The following TRPC5 variants were observed in gnomAD, a reference collection of about 807,000 sequenced individuals.
TRPC5 encodes short transient receptor potential channel 5.
A neutral mutation model predicts 56.5 loss-of-function variants in TRPC5; 9 were observed. That is an observed-to-expected ratio of 0.16 (90% CI 0.10 to 0.28). The LOEUF (loss-of-function observed/expected upper bound fraction) is 0.28. Among genes scored for constraint, TRPC5 ranks in the 10% least tolerant of loss-of-function variants. TRPC5 has a pLI of 1.00. For missense variants in TRPC5, 469 were observed against 748.9 expected, an observed-to-expected ratio of 0.63 and a Z score of 4.36; for synonymous variants, 282 against 278.5, an observed-to-expected ratio of 1.01 and a Z score of -0.13.
At chrX:112,010,265 G>A (rs919514472) in intron 1 of TRPC5, among the ~76,000 whole-genome samples, 5 of 112,077 alleles carry the variant, frequency 4.5e-5, no homozygotes, top group South Asian at 3.8e-4. Context: ...AGCTCAAATC[G>A]TAGCCTGGTC....
intron 2 of TRPC5, among the ~76,000 whole-genome samples, chrX:111,916,626 C>T (rs1428827351): frequency 1.8e-5 from 2 of 111,774 alleles, no homozygotes; most frequent in South Asian, 3.8e-4. Context: ...ATAATTTGGG[C>T]GAGTGAATGA....
At chrX:112,075,231 C>T (rs899310161) in intron 1 of TRPC5, among the ~76,000 whole-genome samples, 3 of 112,101 alleles carry the variant, frequency 2.7e-5, no homozygotes, top group African/African-American at 6.5e-5. Flanking sequence ...TTTCAGGCCA[C>T]GTTCAGCATA....
chrX:111,836,915 C>T lies in TRPC5; in HGVS notation c.1701-1799G>A, dbSNP rs756982218. On this transcript the variant is annotated intron_variant, in intron 6 of 10. Transcript: ENST00000262839. Reference sequence around the variant, plus strand: ...TTTATTTTGTTTAAGGCTGTGCTCTCCACTGGCCTGACTCTCAAGGGCCCT... The same window carrying T: ...TTTATTTTGTTTAAGGCTGTGCTCTTCACTGGCCTGACTCTCAAGGGCCCT... Among the ~76,000 whole-genome samples, 5 of 112,553 alleles carry T rather than the reference C, an allele frequency of 4.4e-5. No homozygotes were observed. In the South Asian group the frequency reaches 1.8e-3, roughly 42 times the overall value.
intron 3 of TRPC5, among the ~76,000 whole-genome samples, chrX:111,869,687 C>T (rs1294934569): frequency 8.9e-6 from 1 of 111,957 alleles, no homozygotes; most frequent in Non-Finnish European, 1.9e-5. Context: ...TCTGTGTTGG[C>T]GGTGATGGAC....
At chrX:112,023,255 T>TG (rs1196664447) in intron 1 of TRPC5, among the ~76,000 whole-genome samples, 7 of 84,907 alleles carry the variant, frequency 8.2e-5, no homozygotes, top group Admixed American at 3.6e-4. Flanking sequence ...TGTTTTTTTT[T>TG]TTTTTTTTTT....
intron 1 of TRPC5, among the ~76,000 whole-genome samples, chrX:112,023,036 G>A (rs1057367921): frequency 5.3e-4 from 58 of 109,708 alleles, no homozygotes; most frequent in African/African-American, 1.9e-3. Flanking sequence ...CCGGGTTCAC[G>A]CCATTCTCCT....
chrX:112,038,853 T>TA (rs2147725201), intron 1 of TRPC5, among the ~76,000 whole-genome samples: 1 of 106,408 alleles, frequency 9.4e-6, no homozygotes, highest in African/African-American at 3.4e-5. Flanking sequence ...GGCTATTTTT[T>TA]TTTTTTTTTT....
chrX:112,019,078 C>G (rs144384074), intron 1 of TRPC5, among the ~76,000 whole-genome samples: 165 of 112,570 alleles, frequency 1.5e-3, no homozygotes, highest in African/African-American at 5.2e-3. Flanking sequence ...ATCATACCAT[C>G]TTAAGGTCCT....
intron 2 of TRPC5, among the ~76,000 whole-genome samples, chrX:111,928,115 C>T (rs931083783): frequency 9.0e-6 from 1 of 111,431 alleles, no homozygotes; most frequent in African/African-American, 3.3e-5. Flanking sequence ...AATATTTATT[C>T]CTTCTTTAGC....
intron 8 of TRPC5, 104 bp downstream of exon 8, chrX:111,781,831 G>T: frequency 2.8e-6 from 2 of 708,520 alleles, no homozygotes; most frequent in Non-Finnish European, 4.1e-6. Context: ...GGCAGCAGAG[G>T]TTGGCAGTGA....
chrX:111,939,190 A>G (rs1926697172), intron 2 of TRPC5, among the ~76,000 whole-genome samples: 1 of 111,897 alleles, frequency 8.9e-6, no homozygotes, highest in Admixed American at 9.5e-5. Flanking sequence ...TGTTGATATT[A>G]TGTATCACAT....
intron 1 of TRPC5, among the ~76,000 whole-genome samples, chrX:111,973,250 G>T (rs938245195): frequency 4.5e-5 from 5 of 111,746 alleles, no homozygotes; most frequent in South Asian, 3.7e-4. Flanking sequence ...CAAGCACAGA[G>T]CCTAGGAGCT....
Position 111,776,873 on chromosome X carries a change from C to G in TRPC5, c.2362G>C (p.Gly788Arg). Residue 788 changes from glycine to arginine, a missense_variant, in exon 11 of 11, where the codon GGT (glycine) becomes CGT (arginine). This residue lies in a region of TRPC5 where 194 missense variants were observed against 221.8 expected (regional missense o/e 0.87). Coordinates refer to ENST00000262839, the MANE Select transcript of TRPC5 (RefSeq NM_012471.3). ...CTCTTGGATTTGGCCCGAGCCCCACCACTGCCATCATTATTATCGTCTCTC... is the reference window on the plus strand; with the variant it reads ...CTCTTGGATTTGGCCCGAGCCCCACGACTGCCATCATTATTATCGTCTCTC... Reference protein sequence around the residue: ...SQRDDNNDGSGGARAKSKSVS... With the variant: ...SQRDDNNDGSRGARAKSKSVS... The G allele has an allele frequency of 8.3e-7, 1 of 1,211,638 alleles. No individual in the cohort carries two copies. The highest frequency in any genetic ancestry group is 1.1e-6 in the Non-Finnish European group (1 of 895,481).
intron 2 of TRPC5, among the ~76,000 whole-genome samples, chrX:111,929,206 T>G (rs1926340108): frequency 1.8e-5 from 2 of 112,140 alleles, no homozygotes; most frequent in African/African-American, 6.5e-5. Flanking sequence ...TGAATAGGTA[T>G]GCAAGGAGGA....
intron 1 of TRPC5, among the ~76,000 whole-genome samples, chrX:111,954,980 C>T (rs1037670409): frequency 2.7e-4 from 30 of 111,892 alleles, no homozygotes; most frequent in African/African-American, 8.8e-4. Context: ...CTACCACTGC[C>T]TCTAATGGTA....
At chrX:111,812,916 G>A (rs1297506120) in intron 7 of TRPC5, among the ~76,000 whole-genome samples, 1 of 112,344 alleles carries the variant, frequency 8.9e-6, no homozygotes, top group Non-Finnish European at 1.9e-5. Flanking sequence ...CATTATGGAT[G>A]TGCTTTTGTA....
rs916273082 is a variant in TRPC5 at position 111,957,926 on chromosome X, A to C, written c.-21-5485T>G. On this transcript the variant is annotated intron_variant, in intron 1 of 10. Transcript: ENST00000262839. ...GGAAGTATTCAACTTTAAGTGTTAG[A>C]GATAAGGGAAGGCATCACAGAGGAA... 5.4e-5 allele frequency among the ~76,000 whole-genome samples: 6 copies of C among 112,071 alleles called. No individual in the cohort carries two copies. In the Admixed American group the frequency reaches 5.7e-4, roughly 11 times the overall value.
chrX:111,846,583 C>T (rs1315664351), intron 6 of TRPC5, among the ~76,000 whole-genome samples: 1 of 111,302 alleles, frequency 9.0e-6, no homozygotes, highest in African/African-American at 3.3e-5. Flanking sequence ...CACCTGAAAC[C>T]TTAAATTAAT....
chrX:111,783,412 A>G (rs1254537207), intron 7 of TRPC5, among the ~76,000 whole-genome samples: 2 of 111,310 alleles, frequency 1.8e-5, no homozygotes, highest in African/African-American at 6.5e-5. Context: ...CATTTTCACT[A>G]ATTGCTCTAT....
Sources: allele counts gnomAD v4.1 joint callset (sites outside exome capture counted in the v4.1 genomes callset), GRCh38; gene constraint gnomAD v4.1.1; regional missense constraint gnomAD v4.1.1; transcripts MANE v1.5; gene names NCBI Gene and HGNC (gene_info 2026-07-23, HGNC 2026-07-21).